Variants in KIF5C observed in about 807,000 individuals in gnomAD.
KIF5C encodes kinesin family member 5C, also known as kinesin heavy chain isoform 5C.
Under a neutral mutation model 125.2 loss-of-function variants are expected in KIF5C, and 18 were observed. The observed-to-expected ratio is 0.14, with a 90% CI of 0.10 to 0.21. The LOEUF (loss-of-function observed/expected upper bound fraction) is 0.21, where lower values mean the gene tolerates loss of function less well. Among genes scored for constraint, KIF5C ranks in the 10% least tolerant of loss-of-function variants. The pLI is 1.00. For missense variants in KIF5C, 780 were observed against 1,183.8 expected (o/e 0.66, Z 5.01); for synonymous variants, 405 against 434.0 (o/e 0.93, Z 0.83).
chr2:148,970,349 G>A (rs1352245186), intron 11 of KIF5C, among the ~76,000 whole-genome samples: 1 of 152,172 alleles, frequency 6.6e-6, no homozygotes, highest in African/African-American at 2.4e-5. Flanking sequence ...GTCAGGGAGA[G>A]GAGGGGATAA....
chr2:149,001,054 T>C (rs1379961209), intron 21 of KIF5C, among the ~76,000 whole-genome samples: 1 of 152,234 alleles, frequency 6.6e-6, no homozygotes, highest in Non-Finnish European at 1.5e-5. Flanking sequence ...CTGCACTTTG[T>C]GACATACTTC....
chr2:148,942,556 T>C, intron 6 of KIF5C, 117 bp from the exon 7 acceptor site: 1 of 1,491,544 alleles, frequency 6.7e-7, no homozygotes, highest in South Asian at 1.3e-5. Flanking sequence ...GGATCGATAT[T>C]TCAGCCTTTC....
chr2:148,995,116 C>T (rs1230658927), intron 17 of KIF5C, among the ~76,000 whole-genome samples: 2 of 152,090 alleles, frequency 1.3e-5, no homozygotes, highest in Non-Finnish European at 2.9e-5. Flanking sequence ...TCTAGTTGGT[C>T]ACCAGAGCCG....
At chr2:148,955,592 ATATG>A (rs1239603520) in intron 10 of KIF5C, among the ~76,000 whole-genome samples, 1 of 152,044 alleles carries the variant, frequency 6.6e-6, no homozygotes, top group Non-Finnish European at 1.5e-5. Flanking sequence ...TATATCATAT[ATATG>A]TATGTATGTA....
chr2:148,906,675 G>A (rs1415504625), intron 1 of KIF5C, among the ~76,000 whole-genome samples: 1 of 151,826 alleles, frequency 6.6e-6, no homozygotes, highest in Non-Finnish European at 1.5e-5. Context: ...GACCAGCCTG[G>A]GCAATGTGGT....
intron 1 of KIF5C, among the ~76,000 whole-genome samples, chr2:148,880,376 C>A (rs1229219088): frequency 2.0e-5 from 3 of 152,240 alleles, no homozygotes; most frequent in Non-Finnish European, 4.4e-5. Flanking sequence ...CTGCCTTGGC[C>A]TCCCAAAGTG....
intron 11 of KIF5C, among the ~76,000 whole-genome samples, chr2:148,966,195 G>A (rs1683045077): frequency 1.3e-5 from 2 of 152,174 alleles, no homozygotes; most frequent in Non-Finnish European, 2.9e-5. Flanking sequence ...CCACATGGCA[G>A]TCTCCACGAG....
intron 1 of KIF5C, among the ~76,000 whole-genome samples, chr2:148,895,788 G>A (rs912031998): frequency 1.1e-4 from 17 of 151,620 alleles, no homozygotes; most frequent in Non-Finnish European, 2.5e-4. Context: ...TATCTTCCTG[G>A]CATGTAGATA....
chr2:148,884,055 C>A (rs947925577), intron 1 of KIF5C: 2 of 152,218 alleles, frequency 1.3e-5, no homozygotes, highest in African/African-American at 4.8e-5. Flanking sequence ...AGCATCCCTT[C>A]ATATTCGAGC....
chr2:148,971,067 G>A (rs1157618776), intron 11 of KIF5C, among the ~76,000 whole-genome samples: 2 of 152,132 alleles, frequency 1.3e-5, no homozygotes, highest in East Asian at 3.9e-4. Flanking sequence ...TCAGAAGCTA[G>A]AGCTCAAAAA....
At chr2:148,889,997 ATTTAT>A (rs1248889749) in intron 1 of KIF5C, among the ~76,000 whole-genome samples, 1 of 152,184 alleles carries the variant, frequency 6.6e-6, no homozygotes, top group African/African-American at 2.4e-5. Context: ...TTTCTACAAA[ATTTAT>A]TTTGAGTACA....
chr2:148,957,654 T>G (rs1244480765), intron 10 of KIF5C, among the ~76,000 whole-genome samples: 1 of 151,798 alleles, frequency 6.6e-6, no homozygotes, highest in Admixed American at 6.6e-5. Flanking sequence ...AGTATCTCTC[T>G]TAGTAACCCT....
intron 11 of KIF5C, among the ~76,000 whole-genome samples, chr2:148,971,294 A>G (rs113661705): frequency 0.21 from 10,931 of 51,554 alleles, 365 homozygotes; most frequent in Non-Finnish European, 0.28. Context: ...CTGTCTGTCT[A>G]TCTATCTATC....
chr2:148,932,425 G>A (rs1157895891), intron 3 of KIF5C, among the ~76,000 whole-genome samples: 1 of 152,194 alleles, frequency 6.6e-6, no homozygotes, highest in Non-Finnish European at 1.5e-5. Context: ...GAGCATTTAA[G>A]GTAGGTTTTC....
chr2:148,983,861 G>A, intron 15 of KIF5C, 95 bp downstream of exon 15: 1 of 1,336,456 alleles, frequency 7.5e-7, no homozygotes, highest in African/African-American at 1.5e-5. Context: ...TTAGCACTGT[G>A]CTTTGCATCT....
At chr2:148,956,003 G>A (rs955795869) in intron 10 of KIF5C, among the ~76,000 whole-genome samples, 1 of 152,226 alleles carries the variant, frequency 6.6e-6, no homozygotes, top group Non-Finnish European at 1.5e-5. Flanking sequence ...GCCAAAGGTA[G>A]GCACTCCTCG....
chr2:148,986,425 CTT>C (rs369620047), intron 15 of KIF5C, among the ~76,000 whole-genome samples: 16 of 152,026 alleles, frequency 1.1e-4, no homozygotes, highest in African/African-American at 3.6e-4. Context: ...AGTTGTATGA[CTT>C]TGGATGAGTG....
chr2:148,933,129 C>G (rs1682215510), intron 3 of KIF5C, among the ~76,000 whole-genome samples: 1 of 152,062 alleles, frequency 6.6e-6, no homozygotes, highest in Non-Finnish European at 1.5e-5. Flanking sequence ...TTTCTCAGTT[C>G]CTGTACTTGG....
At chr2:148,980,788 C>A (rs1206664345) in intron 13 of KIF5C, among the ~76,000 whole-genome samples, 10 of 152,018 alleles carry the variant, frequency 6.6e-5, no homozygotes, top group African/African-American at 2.4e-4. Flanking sequence ...TCACTACAAC[C>A]TCTGCCTCCC....
Sources: gnomAD v4.1 joint callset for allele counts (sites outside exome capture counted in the v4.1 genomes callset) on GRCh38, gnomAD v4.1.1 for gene constraint, MANE v1.5 for transcripts, NCBI Gene and HGNC (gene_info 2026-07-23, HGNC 2026-07-21) for gene names.